The following CDK12 variants were observed in gnomAD, a reference collection of about 807,000 sequenced individuals.
The protein encoded by CDK12 is cyclin dependent kinase 12, also known as cyclin-dependent kinase 12.
A neutral mutation model predicts 133.8 loss-of-function variants in CDK12; 17 were observed. That is an observed-to-expected ratio of 0.13 (90% CI 0.09 to 0.19). The LOEUF (loss-of-function observed/expected upper bound fraction) is 0.19, where lower values mean the gene tolerates loss of function less well. Ranked by LOEUF, CDK12 falls within the 10% of genes least tolerant of loss-of-function variation. The pLI, the probability that CDK12 is intolerant of heterozygous loss-of-function variation, is 1.00. For missense variants in CDK12, 1,508 were observed against 1,818.7 expected, an observed-to-expected ratio of 0.83 and a Z score of 3.11; for synonymous variants, 694 against 683.6, an observed-to-expected ratio of 1.02 and a Z score of -0.24.
intron 1 of CDK12, among the ~76,000 whole-genome samples, chr17:39,470,525 A>G (rs1418386657): frequency 6.6e-6 from 1 of 152,188 alleles, no homozygotes; most frequent in Non-Finnish European, 1.5e-5. Context: ...CCCTGCATCC[A>G]GTTTCTCCTA....
chr17:39,556,217 C>A (rs1195380785), intron 2 of CDK12: 1 of 152,326 alleles, frequency 6.6e-6, no homozygotes, highest in Admixed American at 6.6e-5. Context: ...CTATGCTTTT[C>A]TCTCTCTCAC....
intron 1 of CDK12, among the ~76,000 whole-genome samples, chr17:39,469,473 AAACTTTAC>A (rs1312070142): frequency 2.6e-5 from 4 of 152,108 alleles, no homozygotes; most frequent in Non-Finnish European, 5.9e-5. Flanking sequence ...ACTTTATTTT[AAACTTTAC>A]AACTTTATTA....
Position 39,516,521 on chromosome 17 carries a change from G to A in CDK12, c.2846+713G>A, listed in dbSNP as rs148373015. 2.8e-3 allele frequency among the ~76,000 whole-genome samples: 429 copies of A among 151,386 alleles called. 2 individuals carry two copies. The Middle Eastern group carries it at 0.062, about 22-fold the overall frequency. ...ACACCTGTAGTCCCAGCTATTTTTC[G>A]TTCATTTGTTTTGTAGAGATAGGGT... On this transcript the variant is annotated intron_variant, in intron 9 of 13. Coordinates refer to ENST00000447079, the MANE Select transcript of CDK12 (RefSeq NM_016507.4).
At chr17:39,475,916 AAAGAT>A (rs1346913384) in intron 2 of CDK12, among the ~76,000 whole-genome samples, 3 of 152,156 alleles carry the variant, frequency 2.0e-5, no homozygotes, top group African/African-American at 7.2e-5. Flanking sequence ...CCATAGATAA[AAAGAT>A]AAAAGCCATA....
chr17:39,534,152 G>A lies in CDK12; in HGVS notation c.*2836G>A, dbSNP rs553927113. ...TAGTTTTTTCTTCAACTGTCCATAG[G>A]AACGATAAGTATTTGAAAGCAACAT... On this transcript the variant is annotated 3_prime_UTR_variant, in exon 14 of 14. Coordinates refer to ENST00000447079, the MANE Select transcript of CDK12 (RefSeq NM_016507.4). 2.8e-4 allele frequency: 65 copies of A among 232,830 alleles called. No individual in the cohort carries two copies. The highest frequency in any genetic ancestry group is 1.3e-3 in the African/African-American group (60 of 45,416). 14.4% of individuals were successfully genotyped at this position (232,830 alleles called of 1,614,324 possible).
intron 2 of CDK12, among the ~76,000 whole-genome samples, chr17:39,483,265 TTTC>T (rs1338477293): frequency 1.3e-5 from 2 of 151,268 alleles, no homozygotes; most frequent in Admixed American, 1.3e-4. Flanking sequence ...CACTGTTTCT[TTTC>T]TTTTTTTTTT....
chr17:39,503,365 G>T (rs770562767), intron 6 of CDK12, among the ~76,000 whole-genome samples: 1 of 152,124 alleles, frequency 6.6e-6, no homozygotes, highest in Non-Finnish European at 1.5e-5. Flanking sequence ...GAGCCACTGC[G>T]CCCGGCCAAA....
intron 5 of CDK12, among the ~76,000 whole-genome samples, chr17:39,495,957 G>T (rs12947281): frequency 0.63 from 95,127 of 151,716 alleles, 32,457 homozygotes; most frequent in South Asian, 0.89. Context: ...TCTCACCCAG[G>T]CTGGAGTGCA....
intron 1 of CDK12, among the ~76,000 whole-genome samples, chr17:39,464,564 C>G (rs1303465035): frequency 6.6e-6 from 1 of 151,712 alleles, no homozygotes; most frequent in South Asian, 2.1e-4. Context: ...GTAATTTTTG[C>G]TGACTTAAAG....
At chr17:39,519,085 T>C (rs1283173768) in intron 10 of CDK12, among the ~76,000 whole-genome samples, 1 of 151,572 alleles carries the variant, frequency 6.6e-6, no homozygotes, top group African/African-American at 2.4e-5. Flanking sequence ...GTATTTTTAG[T>C]AGAAACGGGG....
chr17:39,549,988 TTCTCTCTCTCTCTCTCTCTCTGTCTC>T (rs1481443466), upstream of CDK12: 2 of 142,858 alleles, frequency 1.4e-5, no homozygotes, highest in African/African-American at 5.0e-5. Context: ...CCCTCATGCT[TTCTCTCTCTCTCTCTCTCTCTGTCTC>T]TCTCTCTCTC....
At chr17:39,534,675 T>A (rs989203590), downstream of CDK12, 1 of 201,050 alleles carries the variant, frequency 5.0e-6, no homozygotes, top group African/African-American at 2.3e-5. Flanking sequence ...ACTCATTAAC[T>A]CCCCCTCCCA....
Position 39,471,266 on chromosome 17 carries a change from A to C in CDK12, c.1434A>C (p.Thr478=). The C allele has an allele frequency of 6.2e-7, 1 of 1,612,286 alleles. No individual in the cohort carries two copies. The highest frequency in any genetic ancestry group is 8.5e-7 in the Non-Finnish European group (1 of 1,179,500). The change falls in exon 2 of 14, where the codon ACA becomes ACC. Residue 478 remains threonine (T), a synonymous_variant. Coordinates refer to ENST00000447079, the MANE Select transcript of CDK12 (RefSeq NM_016507.4). The part of the protein sequence containing the change: ...LNTEVKNSSD[T]GKVKLDENSE... The stretch of plus-strand genomic sequence containing the variant: ...CAGAGGTAAAAAATTCTTCAGATAC[A>C]GGGAAAGTAAAGTTGGATGAGAACT...
chr17:39,560,308 T>A (rs1050644574), intron 3 of CDK12, among the ~76,000 whole-genome samples: 1 of 152,248 alleles, frequency 6.6e-6, no homozygotes, highest in Non-Finnish European at 1.5e-5. Context: ...AAACTTCTTC[T>A]TATATTACCA....
intron 6 of CDK12, among the ~76,000 whole-genome samples, chr17:39,507,188 G>C (rs574387741): frequency 6.6e-6 from 1 of 151,730 alleles, no homozygotes; most frequent in East Asian, 2.0e-4. Context: ...GAGCCACTGC[G>C]CCCGGCCTGT....
intron 3 of CDK12, among the ~76,000 whole-genome samples, chr17:39,558,690 C>T (rs763437162): frequency 4.6e-5 from 7 of 152,218 alleles, no homozygotes; most frequent in African/African-American, 9.7e-5. Context: ...GTTGCCCAGG[C>T]TGGAGTGCAA....
chr17:39,519,929 T>C, intron 10 of CDK12, 27 bp from the exon 11 acceptor site: 1 of 1,613,210 alleles, frequency 6.2e-7, no homozygotes, highest in Non-Finnish European at 8.5e-7. Context: ...CATTGTGAAC[T>C]TGTCCTTTCT....
At position 39,471,515 on chromosome 17, in the gene CDK12, A is replaced by C; in HGVS notation, c.1683A>C (p.Pro561=). Residue 561 remains proline, a synonymous_variant, in exon 2 of 14, where the codon CCA becomes CCC. Transcript: ENST00000447079. ...CTTTGCCTCCAATACCAGCTCTTCC[A>C]CAGCAACCACCTCTGCCTCCTTCTC... ...LPPLPPIPAL[P]QQPPLPPSQP... 1 of 1,597,758 alleles carries C rather than the reference A, an allele frequency of 6.3e-7. No individual in the cohort carries two copies.
chr17:39,527,297 G>A lies in CDK12; in HGVS notation c.3760+981G>A, dbSNP rs112625271. Among the ~76,000 whole-genome samples the A allele has an allele frequency of 1.3e-4, 20 of 152,338 alleles. 1 individual carries two copies. Among genetic ancestry groups the A allele is most frequent in the African/African-American group, 4.8e-4 (20 of 41,580 alleles). ...ACTTTTCAGAGGAAAGTGTAGAGATGCCGTAACTAATTATTGCAGTCACCC... is the reference window on the plus strand; with the variant it reads ...ACTTTTCAGAGGAAAGTGTAGAGATACCGTAACTAATTATTGCAGTCACCC... On this transcript the variant is annotated intron_variant, in intron 13 of 13. Transcript: ENST00000447079.
Sources: allele counts gnomAD v4.1 joint callset (sites outside exome capture counted in the v4.1 genomes callset), GRCh38; gene constraint gnomAD v4.1.1; transcripts MANE v1.5; gene names NCBI Gene and HGNC (gene_info 2026-07-23, HGNC 2026-07-21).